Variants in CACNA2D3 observed in about 807,000 individuals in gnomAD.
CACNA2D3 encodes voltage-dependent calcium channel subunit alpha-2/delta-3.
A neutral mutation model predicts 160.6 loss-of-function variants in CACNA2D3; 60 were observed. The observed-to-expected ratio is 0.37, with a 90% CI of 0.30 to 0.46. CACNA2D3 has a LOEUF of 0.46. Ranked by LOEUF, CACNA2D3 falls within the 20% of genes least tolerant of loss-of-function variation. The pLI is 1.00. For missense variants in CACNA2D3, 1,205 were observed against 1,365.0 expected (o/e 0.88, Z 1.85); for synonymous variants, 558 against 492.9 (o/e 1.13, Z -1.75).
chr3:54,342,529 G>A (rs1698376458), intron 3 of CACNA2D3, among the ~76,000 whole-genome samples: 1 of 152,094 alleles, frequency 6.6e-6, no homozygotes, highest in Non-Finnish European at 1.5e-5. Flanking sequence ...GATCATCCCG[G>A]GTACAGTGTG....
At chr3:54,834,527 G>A (rs1049681441) in intron 14 of CACNA2D3, among the ~76,000 whole-genome samples, 1 of 152,174 alleles carries the variant, frequency 6.6e-6, no homozygotes, top group Non-Finnish European at 1.5e-5. Flanking sequence ...ATTACAGACT[G>A]TATATACTGG....
chr3:54,465,136 C>A (rs9854724), intron 4 of CACNA2D3, among the ~76,000 whole-genome samples: 1 of 151,102 alleles, frequency 6.6e-6, no homozygotes, highest in Non-Finnish European at 1.5e-5. Context: ...TCTAGTCTGT[C>A]GTTAACAAAT....
chr3:54,511,661 C>T (rs1011901824), intron 5 of CACNA2D3, among the ~76,000 whole-genome samples: 2 of 152,014 alleles, frequency 1.3e-5, no homozygotes, highest in Non-Finnish European at 2.9e-5. Flanking sequence ...AGGAGCTGCA[C>T]CTAGGCTAGA....
intron 17 of CACNA2D3, among the ~76,000 whole-genome samples, chr3:54,855,320 C>A (rs753316840): frequency 1.3e-5 from 2 of 152,216 alleles, no homozygotes; most frequent in Non-Finnish European, 2.9e-5. Context: ...CTCCCTCTGA[C>A]CCTTCATGCA....
chr3:54,884,409 C>T (rs947206582), intron 21 of CACNA2D3, among the ~76,000 whole-genome samples: 1 of 152,142 alleles, frequency 6.6e-6, no homozygotes, highest in African/African-American at 2.4e-5. Flanking sequence ...TGTGATAGGT[C>T]TAGTATTTTG....
chr3:54,250,405 A>G (rs1279677536), intron 2 of CACNA2D3, among the ~76,000 whole-genome samples: 4 of 152,168 alleles, frequency 2.6e-5, no homozygotes, highest in Admixed American at 6.5e-5. Flanking sequence ...TACCCCATAA[A>G]TATATACAAT....
intron 8 of CACNA2D3, among the ~76,000 whole-genome samples, chr3:54,570,917 T>A (rs576514745): frequency 5.3e-4 from 80 of 152,306 alleles, no homozygotes; most frequent in Middle Eastern, 6.8e-3. Context: ...TGAGTGACCA[T>A]GGCCTGTGAC....
At chr3:54,626,299 T>G in intron 9 of CACNA2D3, 2 of 1,534,388 alleles carry the variant, frequency 1.3e-6, no homozygotes, top group Non-Finnish European at 1.8e-6. Flanking sequence ...GGACATGTCC[T>G]ACAAGCGGCT....
At chr3:54,840,397 C>A (rs977526488) in intron 16 of CACNA2D3, among the ~76,000 whole-genome samples, 1 of 144,842 alleles carries the variant, frequency 6.9e-6, no homozygotes, top group South Asian at 2.2e-4. Context: ...AGCAGGAGAA[C>A]CATGTCTTTT....
At chr3:54,515,505 T>A (rs1473372314) in intron 5 of CACNA2D3, among the ~76,000 whole-genome samples, 4 of 152,220 alleles carry the variant, frequency 2.6e-5, no homozygotes, top group Admixed American at 2.6e-4. Flanking sequence ...TAGCTTTCTC[T>A]GCTTTGTGGT....
intron 13 of CACNA2D3, among the ~76,000 whole-genome samples, chr3:54,776,569 A>G (rs894018382): frequency 2.6e-5 from 4 of 152,296 alleles, no homozygotes; most frequent in Admixed American, 1.3e-4. Context: ...AAAACAAAAC[A>G]GTAACAACAA....
intron 2 of CACNA2D3, among the ~76,000 whole-genome samples, chr3:54,157,329 A>G (rs1189390050): frequency 6.6e-6 from 1 of 152,214 alleles, no homozygotes; most frequent in African/African-American, 2.4e-5. Context: ...GCTTCAGCGT[A>G]TGAATTTTGG....
chr3:54,123,303 G>C (rs999164966), intron 1 of CACNA2D3, among the ~76,000 whole-genome samples: 1 of 132,754 alleles, frequency 7.5e-6, no homozygotes, highest in Admixed American at 7.3e-5. Flanking sequence ...TCTTAACTCC[G>C]CGACCCCCCT....
intron 2 of CACNA2D3, among the ~76,000 whole-genome samples, chr3:54,262,223 A>G (rs1162638358): frequency 6.6e-6 from 1 of 152,172 alleles, no homozygotes; most frequent in African/African-American, 2.4e-5. Context: ...CCATGTCTGC[A>G]TATCATATCA....
At chr3:54,967,532 G>A (rs1702180527) in intron 27 of CACNA2D3, among the ~76,000 whole-genome samples, 1 of 152,174 alleles carries the variant, frequency 6.6e-6, no homozygotes, top group South Asian at 2.1e-4. Context: ...TGGGGAGGTT[G>A]TGTGCAACAG....
At chr3:54,808,442 A>G (rs1703192615) in intron 13 of CACNA2D3, among the ~76,000 whole-genome samples, 1 of 152,034 alleles carries the variant, frequency 6.6e-6, no homozygotes, top group Non-Finnish European at 1.5e-5. Context: ...TTCCTCACAG[A>G]TTGTAGTCAA....
intron 9 of CACNA2D3, among the ~76,000 whole-genome samples, chr3:54,586,113 A>T (rs1195805334): frequency 6.6e-6 from 1 of 152,022 alleles, no homozygotes; most frequent in Non-Finnish European, 1.5e-5. Flanking sequence ...AAGTACAAAA[A>T]ATTAGCTGGG....
intron 2 of CACNA2D3, among the ~76,000 whole-genome samples, chr3:54,191,935 C>T (rs564523157): frequency 5.3e-5 from 8 of 152,186 alleles, no homozygotes; most frequent in East Asian, 1.9e-4. Flanking sequence ...TCCCCTGAAC[C>T]GGGAAGTGGG....
chr3:54,966,540 C>G (rs1045610984), intron 27 of CACNA2D3, among the ~76,000 whole-genome samples: 2 of 152,160 alleles, frequency 1.3e-5, no homozygotes, highest in Non-Finnish European at 2.9e-5. Context: ...CATACCCAAG[C>G]CAGCCACATG....
Sources: gnomAD v4.1 joint callset for allele counts (sites outside exome capture counted in the v4.1 genomes callset) on GRCh38, gnomAD v4.1.1 for gene constraint, MANE v1.5 for transcripts, NCBI Gene and HGNC (gene_info 2026-07-23, HGNC 2026-07-21) for gene names.